Variants in MOK observed in about 807,000 individuals in gnomAD.
MOK encodes MOK protein kinase, also known as MAPK/MAK/MRK overlapping kinase.
A neutral mutation model predicts 54.2 loss-of-function variants in MOK; 59 were observed. The ratio of observed to expected loss-of-function variants is 1.09; its 90% CI spans 0.88 to 1.35. MOK has a LOEUF of 1.35. Ranked by LOEUF, MOK falls within the 40% of genes most tolerant of loss-of-function variation. MOK has a pLI of 0.00. For synonymous variants in MOK, 210 were observed against 202.7 expected (o/e 1.04, Z -0.31); for missense variants, 517 against 526.2 (o/e 0.98, Z 0.17).
intron 4 of MOK, 72 bp from the exon 5 acceptor site, chr14:102,252,067 C>G (rs1005594787): frequency 2.2e-6 from 2 of 902,138 alleles, no homozygotes; most frequent in East Asian, 2.5e-5. Flanking sequence ...TAAAAATAAT[C>G]TATTTTTATT....
intron 2 of MOK, among the ~76,000 whole-genome samples, chr14:102,273,766 A>G (rs2068597459): frequency 6.6e-6 from 1 of 152,100 alleles, no homozygotes; most frequent in South Asian, 2.1e-4. Flanking sequence ...CAGCCTGGGC[A>G]ACAAGAGCAA....
chr14:102,279,366 C>T (rs544654978), intron 2 of MOK, among the ~76,000 whole-genome samples: 12 of 152,242 alleles, frequency 7.9e-5, no homozygotes, highest in African/African-American at 2.6e-4. Context: ...ACAATCATGG[C>T]TCACTGCAAC....
At position 102,231,838 on chromosome 14, in the gene MOK, G is replaced by T. The variant is rs769287634; in HGVS notation, c.867-17C>A. On this transcript the variant is annotated splice_polypyrimidine_tract_variant and intron_variant, in intron 9 of 11. Transcript: ENST00000361847. The surrounding 1 kb of genome is among the most constrained non-coding windows in gnomAD (Gnocchi z 4.4). ...TCTGTTTTCCTACGGGGAAGGAGAA[G>T]AGAATGGAGCAGCTCCACTGAGAGC... 4.4e-6 allele frequency: 7 copies of T among 1,607,132 alleles called. No homozygotes were observed. The South Asian group carries it at 5.5e-5, about 13-fold the overall frequency.
chr14:102,286,936 T>C (rs1389725345), intron 1 of MOK, among the ~76,000 whole-genome samples: 1 of 150,180 alleles, frequency 6.7e-6, no homozygotes, highest in Non-Finnish European at 1.5e-5. Flanking sequence ...ATAATAATAA[T>C]AATAATAATA....
chr14:102,266,529 C>A (rs977468975), intron 2 of MOK, among the ~76,000 whole-genome samples: 1 of 152,024 alleles, frequency 6.6e-6, no homozygotes, highest in Non-Finnish European at 1.5e-5. Flanking sequence ...TGATTACAAG[C>A]GTGAGCCACT....
chr14:102,231,685 C>T lies in MOK; in HGVS notation c.981+22G>A, dbSNP rs573281950. On this transcript the variant is annotated intron_variant, in intron 10 of 11. Transcript: ENST00000361847. The surrounding 1 kb of genome is among the most constrained non-coding windows in gnomAD (Gnocchi z 4.4). ...AGTCCCGGCTGAGCTAGGCAGTCTC[C>T]GGCTCCGATTTCGCTTAGTACCTGC... 1.7e-5 allele frequency: 28 copies of T among 1,602,042 alleles called. 1 individual carries two copies. The highest frequency in any genetic ancestry group is 2.3e-4 in the Middle Eastern group (1 of 4,424).
rs1480736092 is a variant in MOK, at chr14:102,232,739, T to G, written c.693-31A>C. The stretch of plus-strand genomic sequence containing the variant: ...TTAAAAACCCAATGATAATAAATGG[T>G]CATGCTGTCACTGAGCGCACCGGTG... On this transcript the variant is annotated intron_variant, in intron 8 of 11. Coordinates refer to ENST00000361847, the MANE Select transcript of MOK (RefSeq NM_014226.3). This position sits in a 1 kb window ranked among gnomAD's most constrained non-coding sequence, Gnocchi z 5.1. 1.3e-6 allele frequency: 2 copies of G among 1,592,082 alleles called. No individual in the cohort carries two copies. Among genetic ancestry groups the G allele is most frequent in the Non-Finnish European group, 1.7e-6 (2 of 1,164,580 alleles).
intron 1 of MOK, among the ~76,000 whole-genome samples, chr14:102,300,010 C>T (rs930605157): frequency 2.6e-5 from 4 of 151,872 alleles, no homozygotes; most frequent in African/African-American, 9.7e-5. Flanking sequence ...AGACCCCCAT[C>T]TCTAGTAAAC....
the MOK span, chr14:102,214,970 C>T: frequency 2.0e-6 from 2 of 985,014 alleles, no homozygotes; most frequent in Non-Finnish European, 2.4e-6. Context: ...CCTCTGTATA[C>T]TGACATTAAA....
At position 102,282,935 on chromosome 14, in the gene MOK, G is replaced by A. The variant is rs563714099; in HGVS notation, c.122+543C>T. On this transcript the variant is annotated intron_variant, in intron 2 of 11. Coordinates refer to ENST00000361847, the MANE Select transcript of MOK (RefSeq NM_014226.3). ...CCGGGCTTGGTGGCACATGCCTGCA[G>A]TTGCAGCTACTAGGAGGCTAAGTCA... is the stretch of plus-strand genomic sequence containing the variant. Among the ~76,000 whole-genome samples, 11 of 151,104 alleles carry A rather than the reference G, an allele frequency of 7.3e-5. No homozygotes were observed. The East Asian group carries it at 2.2e-3, about 30-fold the overall frequency.
Position 102,229,386 on chromosome 14 carries a change from GA to G in MOK, c.1183-21del. 2 of 1,613,966 alleles carry G rather than the reference GA, an allele frequency of 1.2e-6. No homozygotes were observed. The highest frequency in any genetic ancestry group is 1.7e-6 in the Non-Finnish European group (2 of 1,179,798). On this transcript the variant is annotated intron_variant, in intron 11 of 11. Transcript: ENST00000361847. ...ATCTGTCTGTCAAAGAAAAATTACA[GA>G]CACAAAATTCAGTGGCGGCCTGGGC...
intron 1 of MOK, among the ~76,000 whole-genome samples, chr14:102,286,298 CAAAAAAAAAAAAAAAAAAA>C (rs60479729): frequency 3.9e-5 from 1 of 25,586 alleles, no homozygotes; most frequent in Admixed American, 5.9e-4. Flanking sequence ...GACTCCGTCT[CAAAAAAAAAAAAAAAAAAA>C]AAAAAAAAGA....
rs2064873559 is a variant in MOK, at chr14:102,232,974, A to C, written c.693-266T>G. ...GCTGACGACAGGGGAGGCTGTGTGCACATGGGGACAGGGCTCTATGGAAAC... is the reference window on the plus strand; with the variant it reads ...GCTGACGACAGGGGAGGCTGTGTGCCCATGGGGACAGGGCTCTATGGAAAC... On this transcript the variant is annotated intron_variant, in intron 8 of 11. Coordinates refer to ENST00000361847, the MANE Select transcript of MOK (RefSeq NM_014226.3). This position sits in a 1 kb window ranked among gnomAD's most constrained non-coding sequence, Gnocchi z 5.1. 1 of 298,172 alleles carries C rather than the reference A, an allele frequency of 3.4e-6. No individual in the cohort carries two copies. The highest frequency in any genetic ancestry group is 6.1e-6 in the Non-Finnish European group (1 of 163,036). The allele number at this position is 298,172 out of a possible 1,614,324, so 18.5% of individuals were successfully genotyped here.
intron 7 of MOK, among the ~76,000 whole-genome samples, chr14:102,248,000 CA>C (rs1295740013): frequency 2.0e-5 from 3 of 152,166 alleles, no homozygotes; most frequent in Non-Finnish European, 2.9e-5. Context: ...GCCTTCAATA[CA>C]ATACAAGATA....
chr14:102,292,227 A>C (rs2070833875), intron 1 of MOK, among the ~76,000 whole-genome samples: 2 of 152,010 alleles, frequency 1.3e-5, no homozygotes, highest in Admixed American at 1.3e-4. Context: ...TAATCCTAGC[A>C]CTTTGGGAGG....
At chr14:102,294,426 A>G (rs2071199938) in intron 1 of MOK, among the ~76,000 whole-genome samples, 1 of 149,020 alleles carries the variant, frequency 6.7e-6, no homozygotes. Flanking sequence ...AGCCAGGGTG[A>G]TAGAGCGAGA....
chr14:102,283,683 AT>A (rs1681546785), intron 1 of MOK, 91 bp from the exon 2 acceptor site: 1 of 741,486 alleles, frequency 1.3e-6, no homozygotes. Flanking sequence ...CTATAAGATA[AT>A]TTAAACAGCA....
intron 1 of MOK, among the ~76,000 whole-genome samples, chr14:102,283,931 G>C (rs898897829): frequency 6.6e-6 from 1 of 152,140 alleles, no homozygotes; most frequent in African/African-American, 2.4e-5. Flanking sequence ...CATGAGCTTA[G>C]GCTCTGGGCT....
rs370226360 is a variant in MOK at position 102,232,507 on chromosome 14, G to A, written c.866+28C>T. 3 of 1,599,548 alleles carry A rather than the reference G, an allele frequency of 1.9e-6. No homozygotes were observed. The highest frequency in any genetic ancestry group is 2.7e-5 in the African/African-American group (2 of 74,642). ...GTCTCATTTGCCAGGTCCTGCATCT[G>A]CCCCACCGAACCCACGAGAGTGCCT... On this transcript the variant is annotated intron_variant, in intron 9 of 11. Coordinates refer to ENST00000361847, the MANE Select transcript of MOK (RefSeq NM_014226.3). The surrounding 1 kb of genome is among the most constrained non-coding windows in gnomAD (Gnocchi z 5.1).
Sources: allele counts gnomAD v4.1 joint callset (sites outside exome capture counted in the v4.1 genomes callset), GRCh38; gene constraint gnomAD v4.1.1; non-coding constraint Gnocchi (gnomAD v3.1); transcripts MANE v1.5; gene names NCBI Gene and HGNC (gene_info 2026-07-23, HGNC 2026-07-21).